SNTB1: variants seen among roughly 807,000 people sequenced by gnomAD.
SNTB1 encodes syntrophin beta 1.
In SNTB1, 36 loss-of-function variants were observed where a neutral mutation model predicts 48.9. The observed-to-expected ratio is 0.74, with a 90% CI of 0.56 to 0.97. The LOEUF (loss-of-function observed/expected upper bound fraction) is 0.97. Ranked by LOEUF, SNTB1 falls within the 50% of genes least tolerant of loss-of-function variation. The probability of loss-of-function intolerance (pLI) is 0.00; values close to 1 mark genes in which losing one functional copy is unlikely to be tolerated. For synonymous variants in SNTB1, 299 were observed against 294.6 expected (o/e 1.01, Z -0.15); for missense variants, 786 against 703.4 (o/e 1.12, Z -1.33).
chr8:120,541,961 T>C lies in SNTB1; in HGVS notation c.1373A>G (p.His458Arg). The C allele has an allele frequency of 1.2e-6, 2 of 1,613,932 alleles. No individual in the cohort carries two copies. The highest frequency in any genetic ancestry group is 8.5e-7 in the Non-Finnish European group (1 of 1,179,926). Residue 458 changes from histidine to arginine, a missense_variant, in exon 6 of 7, where the codon CAT (histidine) becomes CGT (arginine). By Grantham distance (29) the His-to-Arg change is conservative. Transcript: ENST00000517992. ...GGTAATAGAAAATCCATTCTCATAA[T>C]GTATGGTCAAACGGCACTCCTGGTT... ...YKNQECRLTI[H>R]YENGFSITTE...
intron 3 of SNTB1, among the ~76,000 whole-genome samples, chr8:120,613,244 G>T (rs1816654316): frequency 6.6e-6 from 1 of 152,100 alleles, no homozygotes; most frequent in African/African-American, 2.4e-5. Context: ...CCAGCTACTT[G>T]GGAGGCTGAG....
intron 3 of SNTB1, among the ~76,000 whole-genome samples, chr8:120,622,086 C>A (rs1400406634): frequency 6.6e-6 from 1 of 152,184 alleles, no homozygotes; most frequent in Non-Finnish European, 1.5e-5. Flanking sequence ...AAATAAGAAG[C>A]AGCCTCTTTT....
In SNTB1 at chr8:120,633,627, T is replaced by A. The variant is rs368775210; in HGVS notation, c.789-976A>T. Among the ~76,000 whole-genome samples, 345 of 151,594 alleles carry A rather than the reference T, an allele frequency of 2.3e-3. 1 individual carries two copies. The highest frequency in any genetic ancestry group is 7.7e-3 in the African/African-American group (320 of 41,334). On this transcript the variant is annotated intron_variant, in intron 2 of 6. Coordinates refer to ENST00000517992, the MANE Select transcript of SNTB1 (RefSeq NM_021021.4). ...CTCAAATAAAATAAAATAAAATAAA[T>A]TAAAATAAAAATAAAAGTCCAACAC...
intron 1 of SNTB1, among the ~76,000 whole-genome samples, chr8:120,720,211 C>T (rs945469680): frequency 6.6e-6 from 1 of 152,216 alleles, no homozygotes; most frequent in Non-Finnish European, 1.5e-5. Context: ...GCATATTAGA[C>T]CTTCCCTGGC....
At position 120,589,072 on chromosome 8, in the gene SNTB1, C is replaced by T. The variant is rs149384286; in HGVS notation, c.997-13847G>A. Among the ~76,000 whole-genome samples, 17 of 152,292 alleles carry T rather than the reference C, an allele frequency of 1.1e-4. No homozygotes were observed. In the East Asian group the frequency reaches 3.3e-3, roughly 29 times the overall value. On this transcript the variant is annotated intron_variant, in intron 3 of 6. Coordinates refer to ENST00000517992, the MANE Select transcript of SNTB1 (RefSeq NM_021021.4). The stretch of plus-strand genomic sequence containing the variant: ...TTGCTATAAATAGATTCTTGAATCC[C>T]TGATTCACTGAATCCTGGTATCCAG...
At chr8:120,621,850 A>G (rs549768835) in intron 3 of SNTB1, among the ~76,000 whole-genome samples, 2 of 152,144 alleles carry the variant, frequency 1.3e-5, no homozygotes, top group East Asian at 1.9e-4. Context: ...ACTCAGACCA[A>G]GTGCCTGGGT....
chr8:120,791,742 A>G (rs1042377822), intron 1 of SNTB1, among the ~76,000 whole-genome samples: 1 of 151,968 alleles, frequency 6.6e-6, no homozygotes, highest in Non-Finnish European at 1.5e-5. Flanking sequence ...TTAAAATTAC[A>G]ATGAGATACT....
intron 3 of SNTB1, among the ~76,000 whole-genome samples, chr8:120,584,179 T>G (rs1384656823): frequency 1.3e-5 from 2 of 151,770 alleles, no homozygotes; most frequent in Non-Finnish European, 2.9e-5. Context: ...CGGTGGCTCA[T>G]GCCTGTAATC....
intron 1 of SNTB1, among the ~76,000 whole-genome samples, chr8:120,771,968 C>G (rs1819643315): frequency 6.6e-6 from 1 of 152,100 alleles, no homozygotes; most frequent in East Asian, 1.9e-4. Context: ...CTCCCGGGCT[C>G]AAGCGACCCT....
At chr8:120,599,257 T>C (rs1816381544) in intron 3 of SNTB1, among the ~76,000 whole-genome samples, 1 of 152,214 alleles carries the variant, frequency 6.6e-6, no homozygotes, top group Admixed American at 6.5e-5. Flanking sequence ...AAAATAGAAA[T>C]ACACATTAAA....
In SNTB1 at chr8:120,709,926, G is replaced by A. The variant is rs185613725; in HGVS notation, c.572-16018C>T. Among the ~76,000 whole-genome samples, 634 of 152,054 alleles carry A rather than the reference G, an allele frequency of 4.2e-3. 2 individuals carry two copies. Among genetic ancestry groups the A allele is most frequent in the Non-Finnish European group, 7.2e-3 (491 of 67,948 alleles). On this transcript the variant is annotated intron_variant, in intron 1 of 6. Transcript: ENST00000517992. The stretch of plus-strand genomic sequence containing the variant: ...GTGTCTGGTATTTAAAAAAAAAAAG[G>A]TATGCCATAAATAGTAGTTCCCTTT...
intron 3 of SNTB1, among the ~76,000 whole-genome samples, chr8:120,589,775 C>T (rs1444828733): frequency 6.6e-6 from 1 of 152,152 alleles, no homozygotes; most frequent in African/African-American, 2.4e-5. Context: ...ATGACCCGCC[C>T]TCATGACATA....
intron 1 of SNTB1, among the ~76,000 whole-genome samples, chr8:120,720,310 C>T (rs1318364282): frequency 6.6e-6 from 1 of 152,212 alleles, no homozygotes; most frequent in African/African-American, 2.4e-5. Context: ...TCACACGAGT[C>T]TAATGTGGGC....
At chr8:120,688,337 A>T (rs1818067877) in intron 2 of SNTB1, among the ~76,000 whole-genome samples, 2 of 152,136 alleles carry the variant, frequency 1.3e-5, no homozygotes, top group African/African-American at 2.4e-5. Flanking sequence ...GCTTTTATTT[A>T]TTCCCTTATT....
chr8:120,803,616 G>A (rs1048557821), intron 1 of SNTB1, among the ~76,000 whole-genome samples: 5 of 152,144 alleles, frequency 3.3e-5, no homozygotes, highest in Admixed American at 6.5e-5. Flanking sequence ...CAAATATGGA[G>A]CCATGTGGAG....
rs184223120 is a variant in SNTB1, at chr8:120,715,662, C to T, written c.572-21754G>A. ...ATTTCATGTGATGTCAACACTGAGA[C>T]AGTTACTTAGCACAGACCAAAGGGT... On this transcript the variant is annotated intron_variant, in intron 1 of 6. Transcript: ENST00000517992. Among the ~76,000 whole-genome samples the T allele has an allele frequency of 3.9e-5, 6 of 152,302 alleles. No individual in the cohort carries two copies. In the East Asian group the frequency reaches 1.2e-3, roughly 29 times the overall value.
chr8:120,631,750 G>T (rs1289276325), intron 3 of SNTB1, among the ~76,000 whole-genome samples: 1 of 151,396 alleles, frequency 6.6e-6, no homozygotes, highest in African/African-American at 2.4e-5. Context: ...ACATAACTTG[G>T]GAAAAAAAAA....
In SNTB1 at chr8:120,705,073, C is replaced by T. The variant is rs144190726; in HGVS notation, c.572-11165G>A. On this transcript the variant is annotated intron_variant, in intron 1 of 6. Transcript: ENST00000517992. ...ATACCTGAAGTTCTAACAGGTTAGACGATGTTTAAATGAGGGTAAAGCAAA... is the reference window on the plus strand; with the variant it reads ...ATACCTGAAGTTCTAACAGGTTAGATGATGTTTAAATGAGGGTAAAGCAAA... Among the ~76,000 whole-genome samples, 699 of 152,222 alleles carry T rather than the reference C, an allele frequency of 4.6e-3. 7 individuals carry two copies. The highest frequency in any genetic ancestry group is 0.016 in the African/African-American group (648 of 41,536).
intron 3 of SNTB1, among the ~76,000 whole-genome samples, chr8:120,620,619 C>T (rs1350592767): frequency 6.6e-6 from 1 of 152,080 alleles, no homozygotes; most frequent in Non-Finnish European, 1.5e-5. Flanking sequence ...AGCTAATATA[C>T]AGCCAGTTAA....
Sources: gnomAD v4.1 joint callset for allele counts (sites outside exome capture counted in the v4.1 genomes callset) on GRCh38, gnomAD v4.1.1 for gene constraint, MANE v1.5 for transcripts, NCBI Gene and HGNC (gene_info 2026-07-23, HGNC 2026-07-21) for gene names.